Variants in RIN2 observed in about 807,000 individuals in gnomAD.
RIN2 encodes the protein RAB5 interacting protein 2.
Under a neutral mutation model 78.0 loss-of-function variants are expected in RIN2, and 36 were observed. That is an observed-to-expected ratio of 0.46 (90% confidence interval 0.35 to 0.61). The LOEUF is 0.61. RIN2 is among the 20% of genes least tolerant of loss of function. The probability of loss-of-function intolerance (pLI) is 0.00; values close to 1 mark genes in which losing one functional copy is unlikely to be tolerated. For synonymous variants in RIN2, 466 were observed against 466.8 expected (o/e 1.00, Z 0.02); for missense variants, 1,087 against 1,159.7 (o/e 0.94, Z 0.91).
chr20:19,924,810 G>A (rs2040159758), intron 3 of RIN2, among the ~76,000 whole-genome samples: 2 of 117,620 alleles, frequency 1.7e-5, no homozygotes, highest in South Asian at 6.0e-4. Flanking sequence ...TGCAATCTCG[G>A]CTCACAGCAA....
chr20:19,810,879 T>TGTG (rs1491100736), intron 2 of RIN2, among the ~76,000 whole-genome samples: 2 of 87,604 alleles, frequency 2.3e-5, no homozygotes, highest in African/African-American at 1.5e-4. Flanking sequence ...TGTGTGTGTG[T>TGTG]TTTTTTTTTT....
intron 1 of RIN2, among the ~76,000 whole-genome samples, chr20:19,781,129 G>C (rs1411608376): frequency 6.6e-6 from 1 of 152,118 alleles, no homozygotes; most frequent in Non-Finnish European, 1.5e-5. Context: ...GAAAGGGAGA[G>C]AAGGCTGGAG....
chr20:19,886,837 G>C, intron 2 of RIN2: 1 of 1,062,096 alleles, frequency 9.4e-7, no homozygotes, highest in South Asian at 1.5e-5. Context: ...GGATGAAGCT[G>C]CTGGGGTGAC....
At chr20:19,893,569 T>C (rs1029396497) in intron 3 of RIN2, among the ~76,000 whole-genome samples, 1 of 152,192 alleles carries the variant, frequency 6.6e-6, no homozygotes, top group African/African-American at 2.4e-5. Flanking sequence ...ATGACTCAGA[T>C]AGGCTGGAGG....
intron 5 of RIN2, among the ~76,000 whole-genome samples, chr20:19,957,693 T>C (rs1401358932): frequency 6.6e-6 from 1 of 151,542 alleles, no homozygotes; most frequent in Admixed American, 6.6e-5. Flanking sequence ...AAAAAAAAAG[T>C]GATTGGTATC....
intron 4 of RIN2, among the ~76,000 whole-genome samples, chr20:19,939,048 T>C (rs1016863754): frequency 1.3e-5 from 2 of 152,158 alleles, no homozygotes; most frequent in African/African-American, 2.4e-5. Context: ...AGCTCTACCT[T>C]TTATTTTTCT....
At chr20:19,774,850 A>C (rs1015801315) in intron 1 of RIN2, among the ~76,000 whole-genome samples, 1 of 152,220 alleles carries the variant, frequency 6.6e-6, no homozygotes, top group African/African-American at 2.4e-5. Flanking sequence ...AGATAGGAGA[A>C]GACTGTGATC....
intron 3 of RIN2, among the ~76,000 whole-genome samples, chr20:19,925,340 T>G (rs369543): frequency 0.44 from 66,539 of 152,070 alleles, 14,905 homozygotes; most frequent in East Asian, 0.57. Flanking sequence ...AAGCTGTATA[T>G]ACTGTATAAG....
chr20:19,884,373 G>A (rs538564203), intron 2 of RIN2, among the ~76,000 whole-genome samples: 11 of 152,116 alleles, frequency 7.2e-5, no homozygotes, highest in African/African-American at 1.2e-4. Context: ...GCAGTGAGCC[G>A]TGACTGCAGC....
chr20:19,809,139 G>A (rs1209575860), intron 2 of RIN2: 1 of 152,312 alleles, frequency 6.6e-6, no homozygotes, highest in Admixed American at 6.5e-5. Flanking sequence ...ACTTCCCCAA[G>A]TGACTGATGC....
intron 4 of RIN2, among the ~76,000 whole-genome samples, chr20:19,951,263 C>T (rs1347604782): frequency 1.3e-5 from 2 of 152,182 alleles, no homozygotes; most frequent in African/African-American, 4.8e-5. Flanking sequence ...TCTTTATTCA[C>T]CTCGAACCTG....
intron 2 of RIN2, among the ~76,000 whole-genome samples, chr20:19,818,635 G>A (rs920263935): frequency 1.3e-5 from 2 of 151,764 alleles, no homozygotes; most frequent in African/African-American, 2.4e-5. Context: ...GGGAGGCTGA[G>A]GCGGGAGAAT....
intron 2 of RIN2, chr20:19,886,493 GA>G: frequency 1.9e-6 from 1 of 534,642 alleles, no homozygotes. Context: ...CATTAGCGCC[GA>G]CCAACGCGAC....
intron 2 of RIN2, among the ~76,000 whole-genome samples, chr20:19,855,094 C>T (rs868698631): frequency 3.9e-5 from 6 of 152,162 alleles, no homozygotes; most frequent in Non-Finnish European, 8.8e-5. Flanking sequence ...GCATGAAGGG[C>T]TGTTGAATTT....
At chr20:19,788,112 A>G (rs2122589840) in intron 1 of RIN2, among the ~76,000 whole-genome samples, 1 of 152,322 alleles carries the variant, frequency 6.6e-6, no homozygotes, top group South Asian at 2.1e-4. Flanking sequence ...GGGTATGTGC[A>G]AGCCATGTTG....
intron 9 of RIN2, among the ~76,000 whole-genome samples, chr20:19,980,076 G>C (rs2042400294): frequency 1.4e-5 from 2 of 142,850 alleles, no homozygotes; most frequent in Admixed American, 1.4e-4. Flanking sequence ...ACTCTTCTGA[G>C]AGGTGTAGCC....
rs750158644 is a variant in RIN2 at position 19,975,044 on chromosome 20, A to G, written c.1019A>G (p.His340Arg). 9.2e-5 allele frequency: 149 copies of G among 1,611,608 alleles called. 1 individual carries two copies. Among genetic ancestry groups the G allele is most frequent in the South Asian group, 6.6e-4 (60 of 90,972 alleles). The stretch of plus-strand genomic sequence containing the variant: ...ACGAGCATGCCAGAAACAGTCAACC[A>G]TAACAAACATGGGAACGTAGCTCTG... The part of the protein sequence containing the change: ...TQTSMPETVN[H>R]NKHGNVALPG... The change falls in exon 9 of 13, where the codon CAT (histidine) becomes CGT (arginine). Residue 340 changes from histidine (H) to arginine (R), a missense_variant. Coordinates refer to ENST00000255006, the MANE Select transcript of RIN2 (RefSeq NM_018993.4). The surrounding 1 kb of genome is among the most constrained non-coding windows in gnomAD (Gnocchi z 4.9).
intron 2 of RIN2, among the ~76,000 whole-genome samples, chr20:19,853,474 G>T (rs1272921951): frequency 6.6e-6 from 1 of 152,160 alleles, no homozygotes; most frequent in Non-Finnish European, 1.5e-5. Context: ...TTCCACAATG[G>T]TTGAACTAGT....
intron 2 of RIN2, among the ~76,000 whole-genome samples, chr20:19,837,794 T>C (rs2036467279): frequency 6.6e-6 from 1 of 152,052 alleles, no homozygotes; most frequent in African/African-American, 2.4e-5. Context: ...TCTTTTTCTT[T>C]CTCCATCCTT....
Sources: gnomAD v4.1 joint callset for allele counts (sites outside exome capture counted in the v4.1 genomes callset) on GRCh38, gnomAD v4.1.1 for gene constraint, Gnocchi (gnomAD v3.1) non-coding constraint, MANE v1.5 for transcripts, NCBI Gene and HGNC (gene_info 2026-07-23, HGNC 2026-07-21) for gene names.